Variants in KLB observed in about 807,000 individuals in gnomAD.
KLB encodes the protein klotho beta, also known as beta-klotho.
KLB carries 44 observed loss-of-function variants against 88.4 expected under a neutral mutation model. The ratio of observed to expected loss-of-function variants is 0.50; its 90% CI spans 0.39 to 0.64. KLB has a LOEUF of 0.64. Among genes scored for constraint, KLB ranks in the 30% least tolerant of loss-of-function variants. KLB has a pLI of 0.00. For missense variants in KLB, 1,137 were observed against 1,304.8 expected (o/e 0.87, Z 1.98); for synonymous variants, 548 against 513.4 (o/e 1.07, Z -0.91).
chr4:39,426,775 C>T (rs1743228403), intron 1 of KLB, among the ~76,000 whole-genome samples: 2 of 151,134 alleles, frequency 1.3e-5, no homozygotes, highest in Admixed American at 6.6e-5. Context: ...GCAGCCTTGA[C>T]CTCCTGTGCT....
chr4:39,418,546 T>A (rs1353488205), intron 1 of KLB, among the ~76,000 whole-genome samples: 1 of 151,838 alleles, frequency 6.6e-6, no homozygotes. Context: ...CCATATCATC[T>A]AGAGTTAGCA....
At chr4:39,409,679 G>A (rs554525765) in intron 1 of KLB, among the ~76,000 whole-genome samples, 11 of 151,570 alleles carry the variant, frequency 7.3e-5, no homozygotes, top group Non-Finnish European at 1.5e-4. Flanking sequence ...TGTAATCCCA[G>A]CACTTTGGGA....
At chr4:39,422,528 G>A (rs1451223663) in intron 1 of KLB, among the ~76,000 whole-genome samples, 1 of 152,062 alleles carries the variant, frequency 6.6e-6, no homozygotes, top group Non-Finnish European at 1.5e-5. Context: ...TGAGGATTAG[G>A]TGAGAGAGTA....
At chr4:39,418,887 G>A (rs1192407726) in intron 1 of KLB, among the ~76,000 whole-genome samples, 1 of 149,808 alleles carries the variant, frequency 6.7e-6, no homozygotes, top group Non-Finnish European at 1.5e-5. Context: ...GGCAGAGGTT[G>A]CAGTCAACTG....
In KLB at chr4:39,446,942, C is replaced by T; in HGVS notation, c.2216C>T (p.Ser739Leu). Reference sequence around the variant, plus strand: ...AGGCCCTCACAGCGCGGGGCCGTGTCGCTGTCGCTGCACGCGGACTGGGCG... The same window carrying T: ...AGGCCCTCACAGCGCGGGGCCGTGTTGCTGTCGCTGCACGCGGACTGGGCG... ...QFRPSQRGAV[S>L]LSLHADWAEP... The change falls in exon 4 of 5, where the codon TCG becomes TTG. Residue 739 changes from serine to leucine, a missense_variant. Around this residue, in one of 4 missense-constraint regions of KLB, gnomAD observed 426 missense variants for 404.6 expected, o/e 1.05. Transcript: ENST00000257408. The surrounding 1 kb of genome is among the most constrained non-coding windows in gnomAD (Gnocchi z 6.4). The T allele has an allele frequency of 1.2e-6, 2 of 1,604,900 alleles. No homozygotes were observed. The highest frequency in any genetic ancestry group is 1.7e-6 in the Non-Finnish European group (2 of 1,178,838).
chr4:39,414,030 G>C (rs1742914917), intron 1 of KLB, among the ~76,000 whole-genome samples: 1 of 152,114 alleles, frequency 6.6e-6, no homozygotes, highest in Non-Finnish European at 1.5e-5. Context: ...CCCATTTTCA[G>C]TGTTGTGACA....
chr4:39,424,951 C>T lies in KLB; in HGVS notation c.826-9259C>T, dbSNP rs185704789. Among the ~76,000 whole-genome samples the T allele has an allele frequency of 5.3e-4, 81 of 152,168 alleles. No homozygotes were observed. The South Asian group carries it at 0.015, about 28-fold the overall frequency. On this transcript the variant is annotated intron_variant, in intron 1 of 4. Coordinates refer to ENST00000257408, the MANE Select transcript of KLB (RefSeq NM_175737.4). ...GCCTCCATGGTGGTTTATATGTTGA[C>T]TATCTGTATTCCCAAATCCTGAGGA...
At position 39,438,294 on chromosome 4, in the gene KLB, T is replaced by C. The variant is rs144121901; in HGVS notation, c.1605+299T>C. ...TTTCTGTGTCAGGTTTTTGTTATAA[T>C]AGTAATGTCAAAATGATAGGAAATT... On this transcript the variant is annotated intron_variant, in intron 3 of 4. Coordinates refer to ENST00000257408, the MANE Select transcript of KLB (RefSeq NM_175737.4). 1.2e-3 allele frequency among the ~76,000 whole-genome samples: 187 copies of C among 152,296 alleles called. 1 individual carries two copies. The highest frequency in any genetic ancestry group is 4.2e-3 in the African/African-American group (175 of 41,560).
rs574478130 is a variant in KLB, at chr4:39,440,685, G to C, written c.1605+2690G>C. ...CAATTCTCCTGTCTCAGCCTCCTGAGTAGCTGGGATTACAGGCGCCTGCCA... is the reference window on the plus strand; with the variant it reads ...CAATTCTCCTGTCTCAGCCTCCTGACTAGCTGGGATTACAGGCGCCTGCCA... On this transcript the variant is annotated intron_variant, in intron 3 of 4. Coordinates refer to ENST00000257408, the MANE Select transcript of KLB (RefSeq NM_175737.4). Among the ~76,000 whole-genome samples, 135 of 152,140 alleles carry C rather than the reference G, an allele frequency of 8.9e-4. 1 individual carries two copies. The highest frequency in any genetic ancestry group is 9.0e-4 in the Non-Finnish European group (61 of 67,990).
chr4:39,430,351 A>G (rs1460054280), intron 1 of KLB, among the ~76,000 whole-genome samples: 1 of 150,348 alleles, frequency 6.7e-6, no homozygotes, highest in Admixed American at 6.8e-5. Flanking sequence ...GTTAGAAAAA[A>G]ACAAAGAATT....
intron 1 of KLB, among the ~76,000 whole-genome samples, chr4:39,417,168 G>T (rs1017126849): frequency 1.3e-5 from 2 of 151,824 alleles, no homozygotes; most frequent in Non-Finnish European, 2.9e-5. Context: ...ATTAATTTGT[G>T]CTAAGTCTTA....
In KLB at chr4:39,446,911, C is replaced by A; in HGVS notation, c.2185C>A (p.Gln729Lys). ...HALAWRLYDR[Q>K]FRPSQRGAVS... ...CCTGGCCTGGCGCCTCTACGACCGG[C>A]AGTTCAGGCCCTCACAGCGCGGGGC... The change falls in exon 4 of 5, where the codon CAG becomes AAG. Residue 729 changes from glutamine (Q) to lysine (K), a missense_variant. By Grantham distance (53) the Gln-to-Lys change is moderately conservative. This residue lies in a region of KLB where 426 missense variants were observed against 404.6 expected (regional missense o/e 1.05). Coordinates refer to ENST00000257408, the MANE Select transcript of KLB (RefSeq NM_175737.4). The surrounding 1 kb of genome is among the most constrained non-coding windows in gnomAD (Gnocchi z 6.4). The A allele has an allele frequency of 6.2e-7, 1 of 1,605,208 alleles. No individual in the cohort carries two copies. Among genetic ancestry groups the A allele is most frequent in the Non-Finnish European group, 8.5e-7 (1 of 1,178,866 alleles).
intron 1 of KLB, among the ~76,000 whole-genome samples, chr4:39,417,765 G>C (rs1311128623): frequency 6.6e-6 from 1 of 152,052 alleles, no homozygotes; most frequent in African/African-American, 2.4e-5. Flanking sequence ...AAACATACTA[G>C]GTACCTGTAA....
intron 3 of KLB, among the ~76,000 whole-genome samples, chr4:39,440,117 C>G (rs1289521900): frequency 6.8e-6 from 1 of 146,298 alleles, no homozygotes; most frequent in African/African-American, 2.5e-5. Context: ...GTTTTGTTTT[C>G]TTTTCTTCTT....
intron 3 of KLB, among the ~76,000 whole-genome samples, chr4:39,439,106 G>C (rs1156418266): frequency 6.6e-6 from 1 of 151,120 alleles, no homozygotes; most frequent in Non-Finnish European, 1.5e-5. Context: ...GGCCTCAAGT[G>C]ATCGTCCCAC....
intron 1 of KLB, among the ~76,000 whole-genome samples, chr4:39,413,271 A>G (rs978661689): frequency 6.6e-6 from 1 of 152,200 alleles, no homozygotes; most frequent in African/African-American, 2.4e-5. Flanking sequence ...TCTATTTTTA[A>G]ATCAATAAAT....
chr4:39,443,814 C>G (rs909916096), intron 3 of KLB, among the ~76,000 whole-genome samples: 2 of 150,616 alleles, frequency 1.3e-5, no homozygotes, highest in South Asian at 2.1e-4. Flanking sequence ...ACTTGGGACT[C>G]TATGAATATC....
chr4:39,427,013 T>G (rs1042778022), intron 1 of KLB, among the ~76,000 whole-genome samples: 8 of 151,966 alleles, frequency 5.3e-5, no homozygotes, highest in Admixed American at 1.3e-4. Flanking sequence ...GCAGCATGGA[T>G]GAATGAATGA....
chr4:39,419,752 G>A (rs1443663985), intron 1 of KLB, among the ~76,000 whole-genome samples: 1 of 148,484 alleles, frequency 6.7e-6, no homozygotes, highest in African/African-American at 2.5e-5. Context: ...CTCCAGTCTG[G>A]GCGACAGAGC....
Sources: allele counts gnomAD v4.1 joint callset (sites outside exome capture counted in the v4.1 genomes callset), GRCh38; gene constraint gnomAD v4.1.1; regional missense constraint gnomAD v4.1.1; non-coding constraint Gnocchi (gnomAD v3.1); transcripts MANE v1.5; gene names NCBI Gene and HGNC (gene_info 2026-07-23, HGNC 2026-07-21).